Variants in PPP1CC observed in about 807,000 individuals in gnomAD.
The protein encoded by PPP1CC is protein phosphatase 1 catalytic subunit gamma, also known as serine/threonine-protein phosphatase PP1-gamma catalytic subunit.
Under a neutral mutation model 38.4 loss-of-function variants are expected in PPP1CC, and 16 were observed. The observed-to-expected ratio is 0.42, with a 90% CI of 0.28 to 0.63. The LOEUF (loss-of-function observed/expected upper bound fraction) is 0.63. PPP1CC is among the 30% of genes least tolerant of loss of function. PPP1CC has a pLI of 0.25. For missense variants in PPP1CC, 170 were observed against 391.3 expected, an observed-to-expected ratio of 0.43 and a Z score of 4.77; for synonymous variants, 158 against 136.0, an observed-to-expected ratio of 1.16 and a Z score of -1.13.
Position 110,722,214 on chromosome 12 carries a change from G to C in PPP1CC, c.803C>G (p.Ser268Cys), listed in dbSNP as rs1469191192. The C allele has an allele frequency of 2.5e-6, 4 of 1,614,180 alleles. No homozygotes were observed. Among genetic ancestry groups the C allele is most frequent in the Non-Finnish European group, 3.4e-6 (4 of 1,180,020 alleles). Reference sequence around the variant, plus strand: ...AAACTCTCCGCAATAATTGGGCGCAGAAAACAGAGTGACCAACTGCCTCTT... The same window carrying C: ...AAACTCTCCGCAATAATTGGGCGCACAAAACAGAGTGACCAACTGCCTCTT... Reference protein sequence around the residue: ...FAKRQLVTLFSAPNYCGEFDN... With the variant: ...FAKRQLVTLFCAPNYCGEFDN... Residue 268 changes from serine to cysteine, a missense_variant, in exon 6 of 7, where the codon TCT becomes TGT. Transcript: ENST00000335007. This position sits in a 1 kb window ranked among gnomAD's most constrained non-coding sequence, Gnocchi z 5.4.
At position 110,742,874 on chromosome 12, in the gene PPP1CC, C is replaced by G; in HGVS notation, c.-167G>C. 1 of 436,628 alleles carries G rather than the reference C, an allele frequency of 2.3e-6. No homozygotes were observed. Among genetic ancestry groups the G allele is most frequent in the Non-Finnish European group, 3.9e-6 (1 of 253,994 alleles). 27.0% of individuals were successfully genotyped at this position (436,628 alleles called of 1,614,324 possible). On this transcript the variant is annotated 5_prime_UTR_variant, in exon 1 of 7. Coordinates refer to ENST00000335007, the MANE Select transcript of PPP1CC (RefSeq NM_002710.4). ...GCTCCCTACTTCCTCCTTCTCTCCC[C>G]ACTGGAACCACGAGAAGAACAAAAT...
intron 1 of PPP1CC, among the ~76,000 whole-genome samples, chr12:110,741,105 G>A (rs1406630612): frequency 6.6e-6 from 1 of 151,986 alleles, no homozygotes; most frequent in African/African-American, 2.4e-5. Flanking sequence ...AGAATGACAA[G>A]GTTTTCACCT....
chr12:110,729,122 A>C (rs1211712604), intron 3 of PPP1CC, among the ~76,000 whole-genome samples: 1 of 152,014 alleles, frequency 6.6e-6, no homozygotes, highest in Admixed American at 6.5e-5. Flanking sequence ...TGAGCACAAA[A>C]GGAAGGTGAA....
the PPP1CC span, among the ~76,000 whole-genome samples, chr12:110,714,331 G>T: frequency 6.6e-5 from 10 of 151,936 alleles, no homozygotes; most frequent in African/African-American, 2.4e-4. Flanking sequence ...GAGGAACATG[G>T]GGCAGATCTG....
At chr12:110,728,385 G>A (rs7298249) in intron 3 of PPP1CC, among the ~76,000 whole-genome samples, 28,604 of 141,560 alleles carry the variant, frequency 0.2, 3,170 homozygotes, top group Admixed American at 0.3. Context: ...GCGACAGAGC[G>A]AGACTCCGTC....
rs761850064 is a variant in PPP1CC, at chr12:110,731,900, C to T, written c.57G>A (p.Val19=). 6 of 1,611,518 alleles carry T rather than the reference C, an allele frequency of 3.7e-6. No individual in the cohort carries two copies. Among genetic ancestry groups the T allele is most frequent in the Non-Finnish European group, 5.1e-6 (6 of 1,178,172 alleles). The change falls in exon 2 of 7, where the codon GTG becomes GTA. Residue 19 remains valine, a splice_region_variant and synonymous_variant. Coordinates refer to ENST00000335007, the MANE Select transcript of PPP1CC (RefSeq NM_002710.4). ...CATTCTTACCAGGCTTGGACCCTCT[C>T]ACTGCAAGAGAAAAATCGCAATTAG... ...IDSIIQRLLE[V]RGSKPGKNVQ... is the part of the protein sequence containing the mutation.
chr12:110,723,961 G>A (rs924644922), intron 4 of PPP1CC, among the ~76,000 whole-genome samples: 4 of 152,110 alleles, frequency 2.6e-5, no homozygotes, highest in Non-Finnish European at 2.9e-5. Flanking sequence ...CTCTTCTGCC[G>A]GGCGTGGTGG....
rs532349068 is a variant in PPP1CC at position 110,735,209 on chromosome 12, G to A, written c.56-3308C>T. ...GCTGGGATTATAGGCGTGCGCCACC[G>A]TGCCTGGCCCACTTCACTATTTTCA... On this transcript the variant is annotated intron_variant, in intron 1 of 6. Coordinates refer to ENST00000335007, the MANE Select transcript of PPP1CC (RefSeq NM_002710.4). Among the ~76,000 whole-genome samples the A allele has an allele frequency of 4.0e-5, 6 of 151,396 alleles. No individual in the cohort carries two copies. In the South Asian group the frequency reaches 6.3e-4, roughly 16 times the overall value.
At chr12:110,710,550 C>T in the PPP1CC span, among the ~76,000 whole-genome samples, 1 of 151,368 alleles carries the variant, frequency 6.6e-6, no homozygotes, top group African/African-American at 2.4e-5. Flanking sequence ...AACCCCATCT[C>T]TACTAAAAAT....
rs2069756168 is a variant in PPP1CC, at chr12:110,722,944, TATTA to T, written c.524-253_524-250del. 6.6e-6 allele frequency among the ~76,000 whole-genome samples: 1 copy of T among 152,256 alleles called. No homozygotes were observed. The highest frequency in any genetic ancestry group is 1.5e-5 in the Non-Finnish European group (1 of 68,050). Reference sequence around the variant, plus strand: ...TTTAAACAGTACATGGAAACAATTATATTATACAGAACACTGTAAAATAAAATCC... The same window carrying T: ...TTTAAACAGTACATGGAAACAATTATTACAGAACACTGTAAAATAAAATCC... On this transcript the variant is annotated intron_variant, in intron 4 of 6. Coordinates refer to ENST00000335007, the MANE Select transcript of PPP1CC (RefSeq NM_002710.4). The surrounding 1 kb of genome is among the most constrained non-coding windows in gnomAD (Gnocchi z 5.4).
the PPP1CC span, among the ~76,000 whole-genome samples, chr12:110,713,972 A>G: frequency 1.5e-3 from 226 of 152,136 alleles, 2 homozygotes; most frequent in African/African-American, 5.1e-3. Context: ...GGTGGCGGGC[A>G]CCTGTAGTTC....
the PPP1CC span, among the ~76,000 whole-genome samples, chr12:110,711,851 C>T: frequency 6.6e-6 from 1 of 151,770 alleles, no homozygotes; most frequent in Admixed American, 6.6e-5. Flanking sequence ...CTTGAACTTG[C>T]GGGACGGAGG....
intron 6 of PPP1CC, chr12:110,721,815 A>G (rs1433524888): frequency 5.1e-6 from 2 of 393,578 alleles, no homozygotes; most frequent in East Asian, 7.5e-5. Context: ...TACTTTTCAC[A>G]TTCAAGTGGT....
At position 110,741,499 on chromosome 12, in the gene PPP1CC, G is replaced by A. The variant is rs553694218; in HGVS notation, c.55+1154C>T. ...ATAAGATGTTAGCATCCGTTGACAT[G>A]CCCTTGAATCTGAAAGCAGCTCATT... is the stretch of plus-strand genomic sequence containing the variant. On this transcript the variant is annotated intron_variant, in intron 1 of 6. Coordinates refer to ENST00000335007, the MANE Select transcript of PPP1CC (RefSeq NM_002710.4). 1.1e-4 allele frequency among the ~76,000 whole-genome samples: 17 copies of A among 152,318 alleles called. No homozygotes were observed. The Middle Eastern group carries it at 0.017, about 152-fold the overall frequency.
chr12:110,724,832 G>A, intron 3 of PPP1CC, 68 bp from the exon 4 acceptor site: 3 of 898,398 alleles, frequency 3.3e-6, no homozygotes, highest in Non-Finnish European at 5.3e-6. Flanking sequence ...ATTCTCTCAG[G>A]ATTAACTTCC....
In PPP1CC at chr12:110,742,869, C is replaced by G. The variant is rs1301979195; in HGVS notation, c.-162G>C. The G allele has an allele frequency of 6.7e-6, 3 of 447,560 alleles. No individual in the cohort carries two copies. The East Asian group carries it at 1.1e-4, about 16-fold the overall frequency. 27.7% of individuals were successfully genotyped at this position (447,560 alleles called of 1,614,324 possible). ...ACCCCGCTCCCTACTTCCTCCTTCT[C>G]TCCCCACTGGAACCACGAGAAGAAC... is the stretch of plus-strand genomic sequence containing the variant. On this transcript the variant is annotated 5_prime_UTR_variant, in exon 1 of 7. Coordinates refer to ENST00000335007, the MANE Select transcript of PPP1CC (RefSeq NM_002710.4).
chr12:110,712,317 T>C, the PPP1CC span, among the ~76,000 whole-genome samples: 1 of 151,586 alleles, frequency 6.6e-6, no homozygotes, highest in Non-Finnish European at 1.5e-5. Flanking sequence ...AAAATGACAA[T>C]ATACCTTATA....
intron 2 of PPP1CC, among the ~76,000 whole-genome samples, chr12:110,731,319 A>G (rs567760561): frequency 6.6e-6 from 1 of 152,112 alleles, no homozygotes; most frequent in East Asian, 1.9e-4. Context: ...ATGCTATAAG[A>G]ATATATTACT....
chr12:110,725,604 A>G (rs2069789549), intron 3 of PPP1CC: 1 of 152,256 alleles, frequency 6.6e-6, no homozygotes, highest in African/African-American at 2.4e-5. Context: ...CAGTTCTGAC[A>G]GAAATATGCC....
Sources: gnomAD v4.1 joint callset for allele counts (sites outside exome capture counted in the v4.1 genomes callset) on GRCh38, gnomAD v4.1.1 for gene constraint, Gnocchi (gnomAD v3.1) non-coding constraint, MANE v1.5 for transcripts, NCBI Gene and HGNC (gene_info 2026-07-23, HGNC 2026-07-21) for gene names.